Variants in CNTN5 observed in about 807,000 individuals in gnomAD.
CNTN5 encodes the protein contactin-5.
A neutral mutation model predicts 129.1 loss-of-function variants in CNTN5; 77 were observed. The ratio of observed to expected loss-of-function variants is 0.60; its 90% CI spans 0.50 to 0.72. CNTN5 has a LOEUF of 0.72. Among genes scored for constraint, CNTN5 ranks in the 30% least tolerant of loss-of-function variants. The probability of loss-of-function intolerance (pLI) is 0.00; values close to 1 mark genes in which losing one functional copy is unlikely to be tolerated. For missense variants in CNTN5, 1,478 were observed against 1,328.8 expected (o/e 1.11, Z -1.75); for synonymous variants, 509 against 465.6 (o/e 1.09, Z -1.20).
chr11:99,172,506 T>C (rs1442537538), intron 1 of CNTN5, among the ~76,000 whole-genome samples: 1 of 152,188 alleles, frequency 6.6e-6, no homozygotes, highest in Admixed American at 6.5e-5. Context: ...GCACCAAACT[T>C]GAGTCAGAAA....
At chr11:99,329,914 G>GACACACACAC (rs58544462) in intron 2 of CNTN5, among the ~76,000 whole-genome samples, 2 of 140,380 alleles carry the variant, frequency 1.4e-5, no homozygotes, top group Admixed American at 7.3e-5. Context: ...TACAAGCAGT[G>GACACACACAC]ACACACACAC....
chr11:99,477,729 T>A (rs1356273879), intron 2 of CNTN5, among the ~76,000 whole-genome samples: 1 of 151,586 alleles, frequency 6.6e-6, no homozygotes, highest in East Asian at 1.9e-4. Flanking sequence ...GGAGGAGGAT[T>A]GCCTGAGGCC....
intron 3 of CNTN5, among the ~76,000 whole-genome samples, chr11:99,633,300 C>T (rs948974685): frequency 2.0e-5 from 3 of 152,152 alleles, no homozygotes; most frequent in African/African-American, 7.2e-5. Context: ...AGGCCTTGCT[C>T]CTGCTATGCC....
intron 13 of CNTN5, among the ~76,000 whole-genome samples, chr11:100,101,102 G>A (rs780783795): frequency 3.9e-5 from 6 of 151,976 alleles, no homozygotes; most frequent in Admixed American, 6.6e-5. Flanking sequence ...GAAACAATAC[G>A]GTATGTTCCT....
chr11:99,496,826 C>T (rs1247388878), intron 2 of CNTN5, among the ~76,000 whole-genome samples: 5 of 152,184 alleles, frequency 3.3e-5, no homozygotes, highest in Admixed American at 1.3e-4. Context: ...TATGGATTTT[C>T]ATACGTTTTC....
intron 18 of CNTN5, among the ~76,000 whole-genome samples, chr11:100,276,965 C>G (rs1950526767): frequency 6.6e-6 from 1 of 152,044 alleles, no homozygotes; most frequent in Non-Finnish European, 1.5e-5. Context: ...CCCCAACCCC[C>G]ACTACCAACT....
At chr11:99,715,126 G>C (rs1955165155) in intron 3 of CNTN5, among the ~76,000 whole-genome samples, 1 of 152,002 alleles carries the variant, frequency 6.6e-6, no homozygotes, top group Non-Finnish European at 1.5e-5. Flanking sequence ...ATATTTGCTA[G>C]CTGATTTGTA....
At chr11:99,484,040 C>T (rs1945709106) in intron 2 of CNTN5, among the ~76,000 whole-genome samples, 2 of 151,588 alleles carry the variant, frequency 1.3e-5, no homozygotes, top group African/African-American at 4.8e-5. Flanking sequence ...GCAACAAAAG[C>T]AAAAATAAAC....
chr11:99,557,566 T>A (rs1439390352), intron 3 of CNTN5, among the ~76,000 whole-genome samples: 1 of 151,484 alleles, frequency 6.6e-6, no homozygotes. Context: ...CAAACCCAAA[T>A]ACAAGAAAAT....
chr11:100,317,472 A>G (rs1951593472), intron 21 of CNTN5, among the ~76,000 whole-genome samples: 1 of 152,224 alleles, frequency 6.6e-6, no homozygotes, highest in East Asian at 1.9e-4. Context: ...GTAAGAATAT[A>G]AGAAACTAAA....
At chr11:99,324,580 G>T (rs951966826) in intron 1 of CNTN5, among the ~76,000 whole-genome samples, 6 of 152,108 alleles carry the variant, frequency 3.9e-5, no homozygotes, top group East Asian at 1.9e-4. Flanking sequence ...ATCTACCAAA[G>T]ATTAAATTTA....
chr11:99,875,524 TATAAA>T (rs1388699107), intron 6 of CNTN5, among the ~76,000 whole-genome samples: 1 of 152,116 alleles, frequency 6.6e-6, no homozygotes. Context: ...TATTAAAAAT[TATAAA>T]ATGTGGATGA....
At chr11:99,972,045 T>G (rs1951273527) in intron 8 of CNTN5, among the ~76,000 whole-genome samples, 1 of 137,864 alleles carries the variant, frequency 7.3e-6, no homozygotes, top group Non-Finnish European at 1.5e-5. Flanking sequence ...GTCAGGAGAT[T>G]GAGACCATCC....
intron 9 of CNTN5, among the ~76,000 whole-genome samples, chr11:100,044,983 A>G (rs1247291967): frequency 1.3e-5 from 2 of 151,996 alleles, no homozygotes; most frequent in South Asian, 4.1e-4. Context: ...TTTTCTTACT[A>G]TTAGGTCTCC....
intron 2 of CNTN5, among the ~76,000 whole-genome samples, chr11:99,434,905 CAA>C (rs1943541829): frequency 2.0e-5 from 3 of 152,112 alleles, no homozygotes; most frequent in Non-Finnish European, 4.4e-5. Context: ...AGGTAGTAAT[CAA>C]GAGTATTTGG....
In CNTN5 at chr11:99,814,880, C is replaced by T. The variant is rs1244267796; in HGVS notation, c.56-4664C>T. ...TCACAGCTCCATGTGGCTAGCGTGG[C>T]CTCAGGAAACTTACAATCATGATGG... On this transcript the variant is annotated intron_variant, in intron 3 of 24. Coordinates refer to ENST00000524871, the MANE Select transcript of CNTN5 (RefSeq NM_014361.4). 2.6e-5 allele frequency among the ~76,000 whole-genome samples: 4 copies of T among 152,172 alleles called. No homozygotes were observed. The East Asian group carries it at 7.7e-4, about 29-fold the overall frequency.
At chr11:99,196,258 A>G (rs538687053) in intron 1 of CNTN5, among the ~76,000 whole-genome samples, 1 of 152,046 alleles carries the variant, frequency 6.6e-6, no homozygotes, top group South Asian at 2.1e-4. Flanking sequence ...TATATTTGCC[A>G]CATGCATGGC....
intron 13 of CNTN5, among the ~76,000 whole-genome samples, chr11:100,090,400 T>C (rs934099762): frequency 1.3e-5 from 2 of 151,898 alleles, no homozygotes; most frequent in East Asian, 3.9e-4. Context: ...CCTCTGTCCC[T>C]CTTTCTTTTT....
At chr11:100,316,198 T>C (rs1463189269) in intron 21 of CNTN5, among the ~76,000 whole-genome samples, 2 of 152,202 alleles carry the variant, frequency 1.3e-5, no homozygotes, top group African/African-American at 4.8e-5. Flanking sequence ...CCAAATTTCA[T>C]AATCATTTCT....
Sources: allele counts gnomAD v4.1 joint callset (sites outside exome capture counted in the v4.1 genomes callset), GRCh38; gene constraint gnomAD v4.1.1; transcripts MANE v1.5; gene names NCBI Gene and HGNC (gene_info 2026-07-23, HGNC 2026-07-21).